Variants in REV1 observed in about 807,000 individuals in gnomAD.
REV1 encodes translesion synthesis protein REV1.
REV1 carries 42 observed loss-of-function variants against 137.4 expected under a neutral mutation model. The observed-to-expected ratio is 0.31, with a 90% confidence interval of 0.24 to 0.40. The LOEUF (loss-of-function observed/expected upper bound fraction) is 0.40, where lower values mean the gene tolerates loss of function less well. Ranked by LOEUF, REV1 falls within the 10% of genes least tolerant of loss-of-function variation. The probability of loss-of-function intolerance (pLI) is 1.00; values close to 1 mark genes in which losing one functional copy is unlikely to be tolerated. For synonymous variants in REV1, 524 were observed against 519.2 expected (o/e 1.01, Z -0.12); for missense variants, 1,282 against 1,490.1 (o/e 0.86, Z 2.30).
intron 1 of REV1, among the ~76,000 whole-genome samples, chr2:99,472,955 A>G (rs904548060): frequency 6.6e-6 from 1 of 152,174 alleles, no homozygotes; most frequent in African/African-American, 2.4e-5. Flanking sequence ...ACAGACCATC[A>G]TTGTCTACGG....
chr2:99,420,773 T>A (rs1197300040), intron 11 of REV1, among the ~76,000 whole-genome samples: 1 of 152,130 alleles, frequency 6.6e-6, no homozygotes. Flanking sequence ...AAAGTGACAA[T>A]GGCAAGCTAA....
At chr2:99,407,089 T>TTC (rs1676424192) in intron 15 of REV1, among the ~76,000 whole-genome samples, 1 of 124,522 alleles carries the variant, frequency 8.0e-6, no homozygotes, top group Non-Finnish European at 1.7e-5. Flanking sequence ...TCTTTTTTTT[T>TTC]TTTTTTTTTT....
At chr2:99,440,754 C>A (rs1430181732) in intron 5 of REV1, among the ~76,000 whole-genome samples, 3 of 152,134 alleles carry the variant, frequency 2.0e-5, no homozygotes, top group East Asian at 1.9e-4. Flanking sequence ...CCCAAAAAAA[C>A]CCCAGAAAAC....
chr2:99,454,550 CAAAAAAAAAAAA>C (rs373850478), intron 3 of REV1, among the ~76,000 whole-genome samples: 20 of 82,360 alleles, frequency 2.4e-4, no homozygotes, highest in South Asian at 1.8e-3. Flanking sequence ...AACTCCAGCT[CAAAAAAAAAAAA>C]AAAAAAAAAA....
At chr2:99,420,355 C>T (rs1178223065) in intron 11 of REV1, among the ~76,000 whole-genome samples, 1 of 152,196 alleles carries the variant, frequency 6.6e-6, no homozygotes, top group Non-Finnish European at 1.5e-5. Context: ...TCATATGCAA[C>T]CTAACCACCT....
At chr2:99,437,176 TCTCA>T (rs1680873216) in intron 6 of REV1, among the ~76,000 whole-genome samples, 1 of 151,318 alleles carries the variant, frequency 6.6e-6, no homozygotes, top group Admixed American at 6.6e-5. Context: ...AGAGACACGG[TCTCA>T]CTGTGTTGCC....
chr2:99,413,021 C>G (rs1677388520), intron 12 of REV1, 70 bp from the exon 13 acceptor site: 1 of 1,062,288 alleles, frequency 9.4e-7, no homozygotes, highest in East Asian at 2.4e-5. Context: ...ACAAAATACC[C>G]ACCATTTATG....
chr2:99,418,562 T>C (rs1033600917), intron 12 of REV1, among the ~76,000 whole-genome samples: 1 of 152,222 alleles, frequency 6.6e-6, no homozygotes, highest in African/African-American at 2.4e-5. Context: ...CTTTTAACAT[T>C]GTTTCTTAGA....
chr2:99,412,988 C>T, intron 12 of REV1, 37 bp from the exon 13 acceptor site: 1 of 1,414,138 alleles, frequency 7.1e-7, no homozygotes, highest in Non-Finnish European at 1.0e-6. Context: ...GCAGAATAAG[C>T]TACTAATAAC....
chr2:99,489,674 G>A (rs1331272543), intron 1 of REV1, 143 bp downstream of exon 1: 2 of 149,586 alleles, frequency 1.3e-5, no homozygotes, highest in African/African-American at 4.9e-5. Context: ...CGCGGGCCGG[G>A]GCCGGGGCGA....
intron 12 of REV1, among the ~76,000 whole-genome samples, chr2:99,415,018 GTTC>G (rs1485758995): frequency 1.3e-5 from 2 of 152,194 alleles, no homozygotes; most frequent in African/African-American, 4.8e-5. Flanking sequence ...AAGAAGCACA[GTTC>G]TTCTCCATGC....
chr2:99,439,983 T>C (rs1681271806), intron 5 of REV1, among the ~76,000 whole-genome samples: 1 of 152,164 alleles, frequency 6.6e-6, no homozygotes, highest in Non-Finnish European at 1.5e-5. Context: ...AGTAAAGCCA[T>C]GTCAATGTGT....
intron 5 of REV1, among the ~76,000 whole-genome samples, chr2:99,440,598 T>C (rs780664746): frequency 6.6e-6 from 1 of 151,960 alleles, no homozygotes; most frequent in Non-Finnish European, 1.5e-5. Flanking sequence ...AAAGACAAAG[T>C]AGATATGATT....
chr2:99,486,844 G>A (rs1687188996), intron 1 of REV1, among the ~76,000 whole-genome samples: 1 of 152,030 alleles, frequency 6.6e-6, no homozygotes, highest in African/African-American at 2.4e-5. Flanking sequence ...GTACAAGTCA[G>A]ACAAGACCTC....
intron 3 of REV1, among the ~76,000 whole-genome samples, chr2:99,455,332 C>T (rs1045586179): frequency 1.3e-4 from 20 of 152,176 alleles, no homozygotes; most frequent in African/African-American, 4.3e-4. Flanking sequence ...GCATACCCTT[C>T]TGTCTTTGGA....
rs74929301 is a variant in REV1 at position 99,442,297 on chromosome 2, C to T, written c.503+20G>A. On this transcript the variant is annotated intron_variant, in intron 5 of 22. Transcript: ENST00000258428. ...AAAAACCAACCAGCTTTGCAGTAATCCCCAACTAGACAAACTTACACCCTG... is the reference window on the plus strand; with the variant it reads ...AAAAACCAACCAGCTTTGCAGTAATTCCCAACTAGACAAACTTACACCCTG... 1 of 1,325,700 alleles carries T rather than the reference C, an allele frequency of 7.5e-7. No homozygotes were observed. Among genetic ancestry groups the T allele is most frequent in the South Asian group, 1.2e-5 (1 of 81,580 alleles). 82.1% of individuals were successfully genotyped at this position (1,325,700 alleles called of 1,614,324 possible). A position where few individuals can be genotyped will look rare whatever the true frequency, so the allele number is the denominator to read the frequency against.
chr2:99,429,669 T>C (rs1204154475), intron 9 of REV1, among the ~76,000 whole-genome samples, 171 bp downstream of exon 9: 2 of 151,564 alleles, frequency 1.3e-5, no homozygotes, highest in African/African-American at 4.9e-5. Flanking sequence ...TTTAAAGTTA[T>C]CTAGCACTGG....
intron 12 of REV1, among the ~76,000 whole-genome samples, chr2:99,414,804 C>T (rs1677629650): frequency 6.6e-6 from 1 of 152,206 alleles, no homozygotes; most frequent in Admixed American, 6.5e-5. Context: ...TTCTCAGGGA[C>T]TTCCAAGATT....
intron 15 of REV1, among the ~76,000 whole-genome samples, chr2:99,407,357 C>T (rs560453441): frequency 3.3e-5 from 5 of 151,458 alleles, no homozygotes; most frequent in African/African-American, 9.7e-5. Flanking sequence ...TTGAAACCAG[C>T]CTGGCCAACA....
Sources: gnomAD v4.1 joint callset for allele counts (sites outside exome capture counted in the v4.1 genomes callset) on GRCh38, gnomAD v4.1.1 for gene constraint, MANE v1.5 for transcripts, NCBI Gene and HGNC (gene_info 2026-07-23, HGNC 2026-07-21) for gene names.